Variants in TMEM131 observed in about 807,000 individuals in gnomAD.
TMEM131 encodes transmembrane protein 131, also known as 2610524E03Rik.
Under a neutral mutation model 211.6 loss-of-function variants are expected in TMEM131, and 66 were observed. The observed-to-expected ratio is 0.31, with a 90% CI of 0.26 to 0.38. The LOEUF (loss-of-function observed/expected upper bound fraction) is 0.38, where lower values mean the gene tolerates loss of function less well. Among genes scored for constraint, TMEM131 ranks in the 10% least tolerant of loss-of-function variants. The pLI is 1.00. For synonymous variants in TMEM131, 844 were observed against 841.3 expected, an observed-to-expected ratio of 1.00 and a Z score of -0.06; for missense variants, 2,036 against 2,299.3, an observed-to-expected ratio of 0.89 and a Z score of 2.34.
chr2:97,907,194 G>A (rs1676109501), intron 3 of TMEM131: 1 of 152,216 alleles, frequency 6.6e-6, no homozygotes, highest in African/African-American at 2.4e-5. Context: ...GGCTAAACAT[G>A]CAGTGGTTTG....
rs770412248 is a variant in TMEM131, at chr2:97,759,689, C to T, written c.5169G>A (p.Ser1723=). Residue 1723 remains serine, a synonymous_variant, in exon 39 of 41, where the codon TCG becomes TCA. Coordinates refer to ENST00000186436, the MANE Select transcript of TMEM131 (RefSeq NM_015348.2). ...PSSPDFTPLN[S]FSAFGNSFNL... Reference sequence around the variant, plus strand: ...TAAAAGAGTTTCCAAAGGCGGAGAACGAATTGAGGGGAGTGAAGTCAGGGC... The same window carrying T: ...TAAAAGAGTTTCCAAAGGCGGAGAATGAATTGAGGGGAGTGAAGTCAGGGC... 3.3e-5 allele frequency: 54 copies of T among 1,613,512 alleles called. No individual in the cohort carries two copies. Among genetic ancestry groups the T allele is most frequent in the Non-Finnish European group, 4.2e-5 (49 of 1,179,780 alleles).
In TMEM131 at chr2:97,812,419, A is replaced by G. The variant is rs1262671960; in HGVS notation, c.1863+2T>C. ...TAAGGAGACAATAGAAAGTTTACTTACCGATGATTGATCTGATAAAGAGGA... is the reference window on the plus strand; with the variant it reads ...TAAGGAGACAATAGAAAGTTTACTTGCCGATGATTGATCTGATAAAGAGGA... On this transcript the variant is annotated splice_donor_variant, in intron 17 of 40. Coordinates refer to ENST00000186436, the MANE Select transcript of TMEM131 (RefSeq NM_015348.2). LOFTEE classifies it high-confidence loss of function. 8 of 1,597,942 alleles carry G rather than the reference A, an allele frequency of 5.0e-6. No individual in the cohort carries two copies. Among genetic ancestry groups the G allele is most frequent in the Non-Finnish European group, 6.8e-6 (8 of 1,175,434 alleles).
At chr2:97,862,026 C>CAG (rs143946261) in intron 4 of TMEM131, among the ~76,000 whole-genome samples, 5 of 151,904 alleles carry the variant, frequency 3.3e-5, no homozygotes, top group Admixed American at 6.6e-5. Context: ...TGGCTCAGCA[C>CAG]AGAGAGAGAG....
intron 1 of TMEM131, among the ~76,000 whole-genome samples, chr2:97,930,827 C>T (rs563404624): frequency 6.6e-6 from 1 of 151,880 alleles, no homozygotes; most frequent in African/African-American, 2.4e-5. Flanking sequence ...TTAATGAATC[C>T]CAAACTTTCC....
At chr2:97,881,178 G>C (rs946664712) in intron 4 of TMEM131, among the ~76,000 whole-genome samples, 1 of 151,990 alleles carries the variant, frequency 6.6e-6, no homozygotes, top group Non-Finnish European at 1.5e-5. Context: ...GATTGCCGCA[G>C]TATCCTAGGC....
Position 97,802,451 on chromosome 2 carries a change from C to T in TMEM131, c.2628G>A (p.Val876=). The T allele has an allele frequency of 6.2e-7, 1 of 1,610,196 alleles. No homozygotes were observed. Among genetic ancestry groups the T allele is most frequent in the East Asian group, 2.2e-5 (1 of 44,752 alleles). Reference sequence around the variant, plus strand: ...ACCTTGATACTAACTTATCTACAAACACTGAAGGGTTGGAATATAAAGCCA... The same window carrying T: ...ACCTTGATACTAACTTATCTACAAATACTGAAGGGTTGGAATATAAAGCCA... ...IPLALYSNPS[V]FVDKLVSRFN... The change falls in exon 24 of 41, where the codon GTG becomes GTA. Residue 876 remains valine (V), a synonymous_variant. Coordinates refer to ENST00000186436, the MANE Select transcript of TMEM131 (RefSeq NM_015348.2).
chr2:97,759,937 A>G lies in TMEM131; in HGVS notation c.5109-188T>C, dbSNP rs532189483. 3 of 573,250 alleles carry G rather than the reference A, an allele frequency of 5.2e-6. No individual in the cohort carries two copies. In the Admixed American group the frequency reaches 8.7e-5, roughly 17 times the overall value. The allele number at this position is 573,250 out of a possible 1,614,324, so 35.5% of individuals were successfully genotyped here. ...CAAGGGTTGAGTCGGAGGGAGCCCC[A>G]GAGCTCCGGATGCCCTATCACTAGC... On this transcript the variant is annotated intron_variant, in intron 38 of 40. Transcript: ENST00000186436.
At position 97,832,658 on chromosome 2, in the gene TMEM131, AC is replaced by A. The variant is rs746521417; in HGVS notation, c.1074+706del. ...CTGAAGTTAAGTTTCTGGCATCAGC[AC>A]AAATTATAATAAAAATGTCCTATTT... On this transcript the variant is annotated intron_variant, in intron 11 of 40. Transcript: ENST00000186436. Among the ~76,000 whole-genome samples the A allele has an allele frequency of 4.6e-5, 7 of 152,390 alleles. No homozygotes were observed. In the East Asian group the frequency reaches 9.6e-4, roughly 21 times the overall value.
At chr2:97,761,553 G>A (rs1422083418) in intron 36 of TMEM131, 1 of 159,562 alleles carries the variant, frequency 6.3e-6, no homozygotes, top group Non-Finnish European at 1.4e-5. Flanking sequence ...CTGTCTGTGT[G>A]GTCAGGAGGC....
At chr2:97,987,897 T>C (rs1356392216) in intron 1 of TMEM131, among the ~76,000 whole-genome samples, 1 of 152,184 alleles carries the variant, frequency 6.6e-6, no homozygotes, top group African/African-American at 2.4e-5. Context: ...CAATGTGATC[T>C]ATAGGTTCAA....
At chr2:97,978,125 A>C (rs980618550) in intron 1 of TMEM131, among the ~76,000 whole-genome samples, 3 of 152,144 alleles carry the variant, frequency 2.0e-5, no homozygotes, top group Non-Finnish European at 2.9e-5. Flanking sequence ...AATAAAAAAC[A>C]GCAATGAAGT....
intron 1 of TMEM131, among the ~76,000 whole-genome samples, chr2:97,985,007 G>A (rs963271008): frequency 6.6e-6 from 1 of 151,794 alleles, no homozygotes; most frequent in Non-Finnish European, 1.5e-5. Flanking sequence ...TACAGCTTAA[G>A]GTAAAAAGGT....
chr2:97,919,778 C>A (rs754220872), intron 2 of TMEM131, among the ~76,000 whole-genome samples: 12 of 152,182 alleles, frequency 7.9e-5, no homozygotes, highest in South Asian at 2.1e-4. Context: ...CCATATCGGT[C>A]AGGCTTGTCT....
At position 97,995,867 on chromosome 2, in the gene TMEM131, T is replaced by A. The variant is rs569852313; in HGVS notation, c.-205A>T. The A allele has an allele frequency of 4.9e-3, 1,302 of 263,590 alleles. 6 individuals carry two copies. The highest frequency in any genetic ancestry group is 6.2e-3 in the Non-Finnish European group (910 of 146,418). 16.3% of individuals were successfully genotyped at this position (263,590 alleles called of 1,614,324 possible). ...GTCAGTCACGGTCTTTGCCTGGGCA[T>A]CGCCTACAAGCAGTCGGAGCGGAGA... On this transcript the variant is annotated 5_prime_UTR_variant, in exon 1 of 41. The change abolishes an upstream ATG in the 5' untranslated region. Coordinates refer to ENST00000186436, the MANE Select transcript of TMEM131 (RefSeq NM_015348.2).
At chr2:97,938,613 G>C (rs980860966) in intron 1 of TMEM131, among the ~76,000 whole-genome samples, 8 of 152,132 alleles carry the variant, frequency 5.3e-5, no homozygotes, top group African/African-American at 1.9e-4. Context: ...ACATTAGACA[G>C]ATCAATGAGA....
intron 11 of TMEM131, among the ~76,000 whole-genome samples, chr2:97,822,495 A>G (rs1423442707): frequency 1.3e-5 from 2 of 152,142 alleles, no homozygotes; most frequent in African/African-American, 4.8e-5. Context: ...GATGGGGTAA[A>G]GTCCCAACAC....
chr2:97,963,605 C>T (rs1678914734), intron 1 of TMEM131, among the ~76,000 whole-genome samples: 1 of 152,180 alleles, frequency 6.6e-6, no homozygotes, highest in Non-Finnish European at 1.5e-5. Context: ...ATCCCAGCTA[C>T]TCAGGAGGCT....
Position 97,866,840 on chromosome 2 carries a change from G to A in TMEM131, c.360-7413C>T, listed in dbSNP as rs564641506. Among the ~76,000 whole-genome samples the A allele has an allele frequency of 5.2e-4, 79 of 152,228 alleles. 1 individual carries two copies. The highest frequency in any genetic ancestry group is 1.8e-3 in the African/African-American group (74 of 41,560). On this transcript the variant is annotated intron_variant, in intron 4 of 40. Coordinates refer to ENST00000186436, the MANE Select transcript of TMEM131 (RefSeq NM_015348.2). The stretch of plus-strand genomic sequence containing the variant: ...ACAGAGAACATACTTTGTACAGGAC[G>A]AGTATCCCTCTTACCTGAAATGCTT...
intron 5 of TMEM131, among the ~76,000 whole-genome samples, chr2:97,850,338 G>A (rs996275310): frequency 4.6e-5 from 7 of 152,108 alleles, no homozygotes; most frequent in African/African-American, 1.2e-4. Flanking sequence ...TCTGGGCACC[G>A]CAGGAAGGGA....
Sources: allele counts gnomAD v4.1 joint callset (sites outside exome capture counted in the v4.1 genomes callset), GRCh38; gene constraint gnomAD v4.1.1; transcripts MANE v1.5; gene names NCBI Gene and HGNC (gene_info 2026-07-23, HGNC 2026-07-21).